Variants in SLC12A9 observed in about 807,000 individuals in gnomAD.
SLC12A9 encodes the protein CCC-interacting protein 1.
Under a neutral mutation model 66.0 loss-of-function variants are expected in SLC12A9, and 55 were observed. The observed-to-expected ratio is 0.83, with a 90% CI of 0.67 to 1.04. SLC12A9 has a LOEUF of 1.04. SLC12A9 is among the 50% of genes least tolerant of loss of function. The pLI, the probability that SLC12A9 is intolerant of heterozygous loss-of-function variation, is 0.00. For synonymous variants in SLC12A9, 577 were observed against 569.0 expected, an observed-to-expected ratio of 1.01 and a Z score of -0.20; for missense variants, 1,061 against 1,241.9, an observed-to-expected ratio of 0.85 and a Z score of 2.19.
intron 1 of SLC12A9, among the ~76,000 whole-genome samples, chr7:100,840,324 C>T (rs887403444): frequency 7.2e-5 from 11 of 152,020 alleles, no homozygotes; most frequent in South Asian, 4.2e-4. Context: ...TACTATGACA[C>T]GAGGAAAACT....
At chr7:100,837,177 A>T (rs1813677964) in intron 1 of SLC12A9, 1 of 152,204 alleles carries the variant, frequency 6.6e-6, no homozygotes, top group Non-Finnish European at 1.5e-5. Context: ...ACCTGGGCTC[A>T]AGAGATACTC....
intron 1 of SLC12A9, among the ~76,000 whole-genome samples, chr7:100,843,754 T>G (rs1054550724): frequency 1.3e-5 from 2 of 152,220 alleles, no homozygotes; most frequent in Admixed American, 1.3e-4. Context: ...AAATGCTAGA[T>G]TAACCAAGTA....
intron 1 of SLC12A9, among the ~76,000 whole-genome samples, chr7:100,833,561 C>T (rs1813584973): frequency 6.6e-6 from 1 of 152,014 alleles, no homozygotes; most frequent in Admixed American, 6.6e-5. Context: ...AATCCCAGCA[C>T]TTTGGGAGGC....
At chr7:100,828,575 A>AG (rs1813476353) in intron 1 of SLC12A9, among the ~76,000 whole-genome samples, 2 of 148,082 alleles carry the variant, frequency 1.4e-5, no homozygotes, top group Admixed American at 6.7e-5. Flanking sequence ...AAAAAAAAAA[A>AG]GGTGGGTGTG....
intron 13 of SLC12A9, 23 bp from the exon 14 acceptor site, chr7:100,865,695 CT>C (rs1815036041): frequency 6.3e-7 from 1 of 1,585,892 alleles, no homozygotes; most frequent in Non-Finnish European, 8.6e-7. Context: ...CTGTCTGTTC[CT>C]GCCTTCCCCG....
upstream of SLC12A9, among the ~76,000 whole-genome samples, chr7:100,852,294 G>A (rs1814116577): frequency 6.6e-6 from 1 of 152,220 alleles, no homozygotes; most frequent in African/African-American, 2.4e-5. Context: ...GGACCCGGTG[G>A]AGGTTCTAGG....
At chr7:100,863,085 C>T (rs1254343703) in intron 13 of SLC12A9, among the ~76,000 whole-genome samples, 7 of 129,780 alleles carry the variant, frequency 5.4e-5, no homozygotes, top group Admixed American at 1.8e-4. Context: ...TTTTTTGAGA[C>T]GGAGTCTCAC....
At chr7:100,845,539 C>T (rs1007631635) in intron 1 of SLC12A9, among the ~76,000 whole-genome samples, 3 of 151,912 alleles carry the variant, frequency 2.0e-5, no homozygotes, top group East Asian at 3.9e-4. Context: ...TTAGTAGAGA[C>T]GGGGTTTCAC....
upstream of SLC12A9, among the ~76,000 whole-genome samples, chr7:100,850,412 T>TA (rs894280018): frequency 1.3e-5 from 2 of 150,356 alleles, no homozygotes. Flanking sequence ...CAGCTGATTT[T>TA]AAAAAAAAAT....
Position 100,866,725 on chromosome 7 carries a change from A to T in SLC12A9, c.*120A>T. 1 of 1,145,604 alleles carries T rather than the reference A, an allele frequency of 8.7e-7. No homozygotes were observed. The highest frequency in any genetic ancestry group is 1.2e-6 in the Non-Finnish European group (1 of 849,850). The allele number at this position is 1,145,604 out of a possible 1,614,324, so 71.0% of individuals were successfully genotyped here. On this transcript the variant is annotated 3_prime_UTR_variant, in exon 14 of 14. Coordinates refer to ENST00000354161, the MANE Select transcript of SLC12A9 (RefSeq NM_020246.4). This position sits in a 1 kb window ranked among gnomAD's most constrained non-coding sequence, Gnocchi z 7.3. ...GCCCTGCCCTTGGGACGTGGAGCCC[A>T]GGGGAGGTTTGAAGGGGATCCTGGG...
chr7:100,865,705 C>G lies in SLC12A9; in HGVS notation c.1859-14C>G, dbSNP rs773044758. On this transcript the variant is annotated splice_polypyrimidine_tract_variant and intron_variant, in intron 13 of 13. Transcript: ENST00000354161. ...GACTCCTGTCTGTTCCTGCCTTCCC[C>G]GCTCTGCCCCCAGGTGGCATGAAGC... The G allele has an allele frequency of 1.1e-5, 18 of 1,594,170 alleles. No homozygotes were observed. The highest frequency in any genetic ancestry group is 1.5e-5 in the Non-Finnish European group (17 of 1,169,218).
At chr7:100,829,553 G>T (rs1264394679) in intron 1 of SLC12A9, among the ~76,000 whole-genome samples, 1 of 152,062 alleles carries the variant, frequency 6.6e-6, no homozygotes, top group Non-Finnish European at 1.5e-5. Context: ...GAAACAGCCG[G>T]CTTCACTGGA....
At chr7:100,833,709 C>T (rs1432165418) in intron 1 of SLC12A9, among the ~76,000 whole-genome samples, 1 of 151,546 alleles carries the variant, frequency 6.6e-6, no homozygotes, top group East Asian at 1.9e-4. Flanking sequence ...CTGAGGTGGG[C>T]GGATCACGAA....
rs78513923 is a variant in SLC12A9 at position 100,854,461 on chromosome 7, G to C, written c.181+83G>C. ...AGGGGTGGAGATGGGACTGGGATAA[G>C]ATTAGGAAGGGGACCCAAGAGAAGC... On this transcript the variant is annotated intron_variant, in intron 2 of 13. Coordinates refer to ENST00000354161, the MANE Select transcript of SLC12A9 (RefSeq NM_020246.4). The C allele has an allele frequency of 1.7e-3, 2,678 of 1,594,082 alleles. 43 individuals are homozygous for C. In the African/African-American group the frequency reaches 0.03, roughly 18 times the overall value.
At chr7:100,859,797 A>G in intron 7 of SLC12A9, 88 bp from the exon 8 acceptor site, 1 of 1,460,456 alleles carries the variant, frequency 6.8e-7, no homozygotes, top group Non-Finnish European at 9.3e-7. Context: ...CACATTTGAT[A>G]TCTGAGTCTG....
rs199865530 is a variant in SLC12A9, at chr7:100,861,341, C to T, written c.1344-51C>T. On this transcript the variant is annotated intron_variant, in intron 10 of 13. Transcript: ENST00000354161. This position sits in a 1 kb window ranked among gnomAD's most constrained non-coding sequence, Gnocchi z 5.3. ...GGCGTGGGGCTGGGGACTGCAGCCT[C>T]GTGTGCGGCCTGCCCTGAGTTTCTG... is the stretch of plus-strand genomic sequence containing the variant. 85 of 1,611,398 alleles carry T rather than the reference C, an allele frequency of 5.3e-5. No individual in the cohort carries two copies. Among genetic ancestry groups the T allele is most frequent in the East Asian group, 2.5e-4 (11 of 44,828 alleles).
At chr7:100,844,923 G>C (rs766631801) in intron 1 of SLC12A9, among the ~76,000 whole-genome samples, 4 of 152,008 alleles carry the variant, frequency 2.6e-5, no homozygotes, top group African/African-American at 9.7e-5. Context: ...TTAGCCGAGC[G>C]TGCAGCCCAG....
At chr7:100,841,646 A>G (rs1813792970) in intron 1 of SLC12A9, among the ~76,000 whole-genome samples, 2 of 152,114 alleles carry the variant, frequency 1.3e-5, no homozygotes, top group South Asian at 2.1e-4. Flanking sequence ...CTTATGGTCA[A>G]ACATTAAAAA....
chr7:100,860,641 CTG>C (rs1446223710), intron 9 of SLC12A9: 4 of 364,898 alleles, frequency 1.1e-5, no homozygotes, highest in East Asian at 1.4e-4. Context: ...TGGTGGCACT[CTG>C]TGGGAGTGCA....
Sources: allele counts gnomAD v4.1 joint callset (sites outside exome capture counted in the v4.1 genomes callset), GRCh38; gene constraint gnomAD v4.1.1; non-coding constraint Gnocchi (gnomAD v3.1); transcripts MANE v1.5; gene names NCBI Gene and HGNC (gene_info 2026-07-23, HGNC 2026-07-21).